The following COL18A1 variants were observed in gnomAD, a reference collection of about 807,000 sequenced individuals.
The protein encoded by COL18A1 is collagen type XVIII alpha 1 chain, also known as collagen alpha-1(XVIII) chain.
A neutral mutation model predicts 168.0 loss-of-function variants in COL18A1; 133 were observed. The ratio of observed to expected loss-of-function variants is 0.79; its 90% confidence interval spans 0.69 to 0.91. The LOEUF (loss-of-function observed/expected upper bound fraction) is 0.91, where lower values mean the gene tolerates loss of function less well. COL18A1 is among the 40% of genes least tolerant of loss of function. COL18A1 has a pLI of 0.00. For synonymous variants in COL18A1, 949 were observed against 809.0 expected, an observed-to-expected ratio of 1.17 and a Z score of -2.94; for missense variants, 2,126 against 1,925.4, an observed-to-expected ratio of 1.10 and a Z score of -1.95.
chr21:45,455,713 C>T, intron 2 of COL18A1: 2 of 1,613,976 alleles, frequency 1.2e-6, no homozygotes, highest in Non-Finnish European at 1.7e-6. Context: ...CAGATACCAC[C>T]ACACACGTGA....
chr21:45,509,964 G>A (rs1165855032), intron 39 of COL18A1, 100 bp from the exon 40 acceptor site: 31 of 1,368,222 alleles, frequency 2.3e-5, no homozygotes, highest in African/African-American at 2.9e-5. Flanking sequence ...CCCCTCGGCC[G>A]TGCCTGTCCA....
intron 2 of COL18A1, 131 bp from the exon 3 acceptor site, chr21:45,468,111 C>T: frequency 1.0e-6 from 1 of 965,160 alleles, no homozygotes; most frequent in Non-Finnish European, 1.5e-6. Context: ...GGCAGGCTGC[C>T]AGGCACGTGG....
intron 19 of COL18A1, 65 bp from the exon 20 acceptor site, chr21:45,490,210 C>T (rs559193226): frequency 8.2e-5 from 115 of 1,400,298 alleles, no homozygotes; most frequent in Non-Finnish European, 1.1e-4. Flanking sequence ...CCGGACTCCT[C>T]GTGGGGGTCC....
At position 45,488,416 on chromosome 21, in the gene COL18A1, A is replaced by G. The variant is rs778612831; in HGVS notation, c.1897-2A>G. On this transcript the variant is annotated splice_acceptor_variant, in intron 17 of 41. Coordinates refer to ENST00000651438, the MANE Select transcript of COL18A1 (RefSeq NM_001379500.1). LOFTEE classifies it high-confidence loss of function. ...AACACTGTGTCTCCTCTGCCCTGAC[A>G]GGGACCTCCCGGCCTGCCGGGACTT... 3.7e-6 allele frequency: 6 copies of G among 1,613,732 alleles called. No individual in the cohort carries two copies. Among genetic ancestry groups the G allele is most frequent in the African/African-American group, 2.7e-5 (2 of 74,918 alleles).
chr21:45,496,427 T>C (rs1330438726), intron 29 of COL18A1, 73 bp from the exon 30 acceptor site: 2 of 800,208 alleles, frequency 2.5e-6, no homozygotes, highest in Non-Finnish European at 4.6e-6. Context: ...CTGATTTTTC[T>C]GAACTGTCTC....
rs2037728461 is a variant in COL18A1 at position 45,513,498 on chromosome 21, A to G, written c.*1100A>G. 2 of 152,166 alleles carry G rather than the reference A, an allele frequency of 1.3e-5. No individual in the cohort carries two copies. The highest frequency in any genetic ancestry group is 2.4e-5 in the African/African-American group (1 of 41,408). 9.4% of individuals were successfully genotyped at this position (152,166 alleles called of 1,614,324 possible). A position where few individuals can be genotyped will look rare whatever the true frequency, so the allele number is the denominator to read the frequency against. ...AACAAAGCAGCCACGAGGTGCAACAAGGTCCTCTGTCAGTCACAGCCACCC... is the reference window on the plus strand; with the variant it reads ...AACAAAGCAGCCACGAGGTGCAACAGGGTCCTCTGTCAGTCACAGCCACCC... On this transcript the variant is annotated 3_prime_UTR_variant, in exon 42 of 42. Coordinates refer to ENST00000651438, the MANE Select transcript of COL18A1 (RefSeq NM_001379500.1).
At position 45,498,085 on chromosome 21, in the gene COL18A1, G is replaced by C. The variant is rs2146017634; in HGVS notation, c.2683+424G>C. 4.9e-6 allele frequency: 3 copies of C among 610,904 alleles called. No homozygotes were observed. Among genetic ancestry groups the C allele is most frequent in the Non-Finnish European group, 5.8e-6 (2 of 344,202 alleles). 37.8% of individuals were successfully genotyped at this position (610,904 alleles called of 1,614,324 possible). A position where few individuals can be genotyped will look rare whatever the true frequency, so the allele number is the denominator to read the frequency against. ...CGTTGCCCGACAGGCCGTCTGGAGG[G>C]TGAGCCCAGCACCCCTGCTCCCCCA... On this transcript the variant is annotated intron_variant, in intron 32 of 41. Transcript: ENST00000651438. The surrounding 1 kb of genome is among the most constrained non-coding windows in gnomAD (Gnocchi z 4.5).
At chr21:45,410,496 C>G (rs1038224016) in intron 2 of COL18A1, among the ~76,000 whole-genome samples, 1 of 152,164 alleles carries the variant, frequency 6.6e-6, no homozygotes, top group Non-Finnish European at 1.5e-5. Context: ...CCAGTGGGAA[C>G]GGCAGGAGGA....
rs1358655458 is a variant in COL18A1, at chr21:45,503,724, C to T, written c.2684-287C>T. Among the ~76,000 whole-genome samples, 4 of 151,618 alleles carry T rather than the reference C, an allele frequency of 2.6e-5. No homozygotes were observed. The East Asian group carries it at 7.8e-4, about 29-fold the overall frequency. ...GTGGGTGCAGCACACCAGCATGGCA[C>T]ATGTATACATATGTAACTAACCTGC... On this transcript the variant is annotated intron_variant, in intron 32 of 41. Transcript: ENST00000651438.
At chr21:45,476,606 ATG>A (rs2035665710) in intron 6 of COL18A1, 126 bp downstream of exon 6, 6 of 1,215,050 alleles carry the variant, frequency 4.9e-6, no homozygotes, top group South Asian at 1.3e-5. Context: ...TATATGGTAC[ATG>A]TGTGTGTGAT....
intron 31 of COL18A1, 124 bp from the exon 32 acceptor site, chr21:45,497,475 C>T (rs2036581851): frequency 1.5e-6 from 2 of 1,312,274 alleles, no homozygotes; most frequent in South Asian, 2.5e-5. Flanking sequence ...CTGACTGTCC[C>T]CATGTCCATC....
In COL18A1 at chr21:45,448,490, T is replaced by G. The variant is rs566052593; in HGVS notation, c.107-19752T>G. On this transcript the variant is annotated intron_variant, in intron 2 of 41. Transcript: ENST00000651438. The stretch of plus-strand genomic sequence containing the variant: ...TGCAGTCCACACACACAGATATCCA[T>G]GCATGCATGTATCCATATCCACACA... 1.8e-4 allele frequency among the ~76,000 whole-genome samples: 27 copies of G among 152,360 alleles called. 1 individual carries two copies. Among genetic ancestry groups the G allele is most frequent in the Admixed American group, 5.9e-4 (9 of 15,310 alleles).
chr21:45,508,912 G>T (rs138262893), intron 38 of COL18A1, among the ~76,000 whole-genome samples: 105 of 152,284 alleles, frequency 6.9e-4, no homozygotes, highest in Middle Eastern at 3.4e-3. Flanking sequence ...GAAAGGTGCA[G>T]AATCAATAGG....
rs576951833 is a variant in COL18A1 at position 45,425,933 on chromosome 21, C to G, written c.106+20460C>G. Among the ~76,000 whole-genome samples, 1 of 152,286 alleles carries G rather than the reference C, an allele frequency of 6.6e-6. No individual in the cohort carries two copies. Among genetic ancestry groups the G allele is most frequent in the African/African-American group, 2.4e-5 (1 of 41,554 alleles). On this transcript the variant is annotated intron_variant, in intron 2 of 41. Coordinates refer to ENST00000651438, the MANE Select transcript of COL18A1 (RefSeq NM_001379500.1). The surrounding 1 kb of genome is among the most constrained non-coding windows in gnomAD (Gnocchi z 4.1). ...CACCGTGAGGCCTCATCCCTGCATCCCTGTTGCTTCTTTCATGTGGGATGA... is the reference window on the plus strand; with the variant it reads ...CACCGTGAGGCCTCATCCCTGCATCGCTGTTGCTTCTTTCATGTGGGATGA...
At chr21:45,437,642 G>A (rs1309226617) in intron 2 of COL18A1, among the ~76,000 whole-genome samples, 3 of 30,128 alleles carry the variant, frequency 1.0e-4, no homozygotes, top group South Asian at 1.3e-3. Context: ...ACTCACACAG[G>A]CACTCTCCTG....
chr21:45,417,854 G>A (rs572314768), intron 2 of COL18A1, among the ~76,000 whole-genome samples: 9 of 152,328 alleles, frequency 5.9e-5, no homozygotes, highest in Admixed American at 2.0e-4. Flanking sequence ...GAATTGCACC[G>A]TAGGGAAGAG....
At chr21:45,506,332 T>A in intron 37 of COL18A1, 1 of 360,774 alleles carries the variant, frequency 2.8e-6, no homozygotes, top group South Asian at 2.2e-5. Context: ...CCACGTGACG[T>A]CCACAGCACG....
At chr21:45,456,266 G>T (rs779372007) in intron 2 of COL18A1, 1 of 1,577,642 alleles carries the variant, frequency 6.3e-7, no homozygotes, top group East Asian at 2.4e-5. Flanking sequence ...GCCCGCCGCA[G>T]CCGCTCCCAG....
intron 2 of COL18A1, among the ~76,000 whole-genome samples, chr21:45,412,669 C>T (rs1042197028): frequency 6.6e-6 from 1 of 152,240 alleles, no homozygotes; most frequent in African/African-American, 2.4e-5. Context: ...ATGGAGCTGG[C>T]CCTGCCACTT....
Sources: allele counts gnomAD v4.1 joint callset (sites outside exome capture counted in the v4.1 genomes callset), GRCh38; gene constraint gnomAD v4.1.1; non-coding constraint Gnocchi (gnomAD v3.1); transcripts MANE v1.5; gene names NCBI Gene and HGNC (gene_info 2026-07-23, HGNC 2026-07-21).